The following ABHD17B variants were observed in gnomAD, a reference collection of about 807,000 sequenced individuals.
The protein encoded by ABHD17B is alpha/beta hydrolase domain-containing protein 17B.
Under a neutral mutation model 26.2 loss-of-function variants are expected in ABHD17B, and 9 were observed. The observed-to-expected ratio is 0.34, with a 90% CI of 0.21 to 0.60. The LOEUF is 0.60. Among genes scored for constraint, ABHD17B ranks in the 20% least tolerant of loss-of-function variants. The probability of loss-of-function intolerance (pLI) is 0.80; values close to 1 mark genes in which losing one functional copy is unlikely to be tolerated. For missense variants in ABHD17B, 224 were observed against 352.1 expected (o/e 0.64, Z 2.91); for synonymous variants, 127 against 122.3 (o/e 1.04, Z -0.25).
chr9:71,897,077 G>A (rs1826979540), intron 1 of ABHD17B, among the ~76,000 whole-genome samples: 1 of 152,130 alleles, frequency 6.6e-6, no homozygotes. Flanking sequence ...CCAACTAATG[G>A]CTAATAAATC....
chr9:71,880,717 G>A (rs144586955), intron 1 of ABHD17B, among the ~76,000 whole-genome samples: 27 of 151,916 alleles, frequency 1.8e-4, no homozygotes, highest in African/African-American at 6.0e-4. Context: ...CAACCAAAAC[G>A]ACTATCTAGG....
intron 1 of ABHD17B, among the ~76,000 whole-genome samples, chr9:71,899,038 A>C (rs1016008996): frequency 6.6e-6 from 1 of 151,912 alleles, no homozygotes; most frequent in Non-Finnish European, 1.5e-5. Context: ...ACATGAGAAT[A>C]GCTTGAACCC....
intron 1 of ABHD17B, among the ~76,000 whole-genome samples, chr9:71,908,063 T>C (rs1239968152): frequency 6.6e-6 from 1 of 152,152 alleles, no homozygotes; most frequent in Non-Finnish European, 1.5e-5. Context: ...GCAATTGAAA[T>C]AATTAACTTA....
At chr9:71,895,905 C>G (rs1826938619) in intron 1 of ABHD17B, among the ~76,000 whole-genome samples, 1 of 152,130 alleles carries the variant, frequency 6.6e-6, no homozygotes, top group African/African-American at 2.4e-5. Flanking sequence ...CCTGAAACTA[C>G]ATGCAAAATT....
intron 1 of ABHD17B, among the ~76,000 whole-genome samples, chr9:71,883,711 TG>T (rs1293819340): frequency 6.6e-6 from 1 of 152,136 alleles, no homozygotes; most frequent in Non-Finnish European, 1.5e-5. Context: ...ACAAGGCAGG[TG>T]GATCACCTGA....
At chr9:71,908,207 G>A (rs941174488) in intron 1 of ABHD17B, among the ~76,000 whole-genome samples, 12 of 151,888 alleles carry the variant, frequency 7.9e-5, no homozygotes, top group Non-Finnish European at 1.5e-4. Flanking sequence ...CATGGCCAAC[G>A]TGGTGAAACC....
chr9:71,891,282 C>T (rs1481221459), intron 1 of ABHD17B, among the ~76,000 whole-genome samples: 1 of 152,172 alleles, frequency 6.6e-6, no homozygotes, highest in Non-Finnish European at 1.5e-5. Context: ...TCTGAAATTT[C>T]ATAAGCCTAT....
intron 1 of ABHD17B, among the ~76,000 whole-genome samples, chr9:71,908,968 C>T (rs1402114493): frequency 6.6e-6 from 1 of 152,182 alleles, no homozygotes; most frequent in Non-Finnish European, 1.5e-5. Context: ...GGAACAGACA[C>T]TAATTGCTTA....
intron 1 of ABHD17B, among the ~76,000 whole-genome samples, chr9:71,882,326 T>C (rs1564065994): frequency 6.6e-6 from 1 of 152,204 alleles, no homozygotes; most frequent in South Asian, 2.1e-4. Context: ...CTGAAAAACG[T>C]AAGCAATCCA....
At chr9:71,902,351 T>G (rs1564074300) in intron 1 of ABHD17B, 1 of 152,102 alleles carries the variant, frequency 6.6e-6, no homozygotes. Context: ...ACCCTAGGGG[T>G]TTGTATCAGA....
intron 1 of ABHD17B, among the ~76,000 whole-genome samples, chr9:71,898,234 TTTAGA>T (rs1291450146): frequency 6.6e-6 from 1 of 152,026 alleles, no homozygotes; most frequent in Non-Finnish European, 1.5e-5. Context: ...TAGAACTTCA[TTTAGA>T]TATGACTTCC....
Position 71,889,178 on chromosome 9 carries a change from G to A in ABHD17B, c.-3-14095C>T, listed in dbSNP as rs182695296. 9.7e-4 allele frequency among the ~76,000 whole-genome samples: 147 copies of A among 152,004 alleles called. 1 individual carries two copies. Among genetic ancestry groups the A allele is most frequent in the African/African-American group, 3.4e-3 (142 of 41,470 alleles). On this transcript the variant is annotated intron_variant, in intron 1 of 3. Coordinates refer to ENST00000333421, the MANE Select transcript of ABHD17B (RefSeq NM_001025780.3). ...AAAAATACAAAAAAATTAGCCAGGC[G>A]TGGTGGCAGGCGCCTGTAATCATAG... is the stretch of plus-strand genomic sequence containing the variant.
intron 1 of ABHD17B, among the ~76,000 whole-genome samples, chr9:71,894,803 G>C (rs778605480): frequency 6.6e-6 from 1 of 151,998 alleles, no homozygotes; most frequent in African/African-American, 2.4e-5. Context: ...ACCAGTCTAG[G>C]TGACAAAGCA....
intron 1 of ABHD17B, among the ~76,000 whole-genome samples, chr9:71,892,470 T>C (rs1826815120): frequency 6.6e-6 from 1 of 151,626 alleles, no homozygotes; most frequent in South Asian, 2.1e-4. Context: ...GAGGTGGAGC[T>C]TGCAGTGAGA....
chr9:71,879,587 A>G (rs1006882061), intron 1 of ABHD17B, among the ~76,000 whole-genome samples: 1 of 152,224 alleles, frequency 6.6e-6, no homozygotes, highest in Non-Finnish European at 1.5e-5. Context: ...CCAACTTAAG[A>G]AGAGAGTAAA....
At chr9:71,871,188 C>T (rs1213872048) in intron 2 of ABHD17B, among the ~76,000 whole-genome samples, 1 of 152,164 alleles carries the variant, frequency 6.6e-6, no homozygotes. Flanking sequence ...ATAACAGCTG[C>T]TTTTGGAAAT....
At chr9:71,879,343 G>C (rs931126846) in intron 1 of ABHD17B, among the ~76,000 whole-genome samples, 1 of 152,206 alleles carries the variant, frequency 6.6e-6, no homozygotes, top group Non-Finnish European at 1.5e-5. Flanking sequence ...TGGTGAATAT[G>C]AATACGAAGA....
At chr9:71,893,216 G>A (rs190191946) in intron 1 of ABHD17B, among the ~76,000 whole-genome samples, 54 of 152,252 alleles carry the variant, frequency 3.5e-4, no homozygotes, top group Non-Finnish European at 5.6e-4. Flanking sequence ...GCAAGCAATC[G>A]CTTCTGCAGT....
intron 2 of ABHD17B, among the ~76,000 whole-genome samples, chr9:71,872,964 A>G (rs1461913602): frequency 6.6e-6 from 1 of 151,878 alleles, no homozygotes; most frequent in African/African-American, 2.4e-5. Flanking sequence ...GCATAACTTT[A>G]TTACATTTCT....
Sources: gnomAD v4.1 joint callset for allele counts (sites outside exome capture counted in the v4.1 genomes callset) on GRCh38, gnomAD v4.1.1 for gene constraint, MANE v1.5 for transcripts, NCBI Gene and HGNC (gene_info 2026-07-23, HGNC 2026-07-21) for gene names.